The following RBFOX3 variants were observed in gnomAD, a reference collection of about 807,000 sequenced individuals.
The protein encoded by RBFOX3 is RNA binding fox-1 homolog 3, also known as RNA binding protein fox-1 homolog 3.
In RBFOX3, 17 loss-of-function variants were observed where a neutral mutation model predicts 48.7. The observed-to-expected ratio is 0.35, with a 90% CI of 0.24 to 0.52. RBFOX3 has a LOEUF of 0.52. Among genes scored for constraint, RBFOX3 ranks in the 20% least tolerant of loss-of-function variants. The pLI, the probability that RBFOX3 is intolerant of heterozygous loss-of-function variation, is 0.94. For synonymous variants in RBFOX3, 212 were observed against 209.5 expected (o/e 1.01, Z -0.10); for missense variants, 382 against 497.5 (o/e 0.77, Z 2.21).
At chr17:79,585,032 T>C (rs1401156945) in intron 1 of RBFOX3, among the ~76,000 whole-genome samples, 1 of 151,904 alleles carries the variant, frequency 6.6e-6, no homozygotes, top group Non-Finnish European at 1.5e-5. Flanking sequence ...CCCAAAGCGC[T>C]GGGATTACAG....
intron 2 of RBFOX3, among the ~76,000 whole-genome samples, chr17:79,404,793 C>T (rs911366971): frequency 6.6e-6 from 1 of 152,218 alleles, no homozygotes; most frequent in Non-Finnish European, 1.5e-5. Context: ...CTGTCCATCT[C>T]CAGAGTCCAG....
At chr17:79,487,487 T>C (rs1416357519) in intron 1 of RBFOX3, among the ~76,000 whole-genome samples, 2 of 152,180 alleles carry the variant, frequency 1.3e-5, no homozygotes, top group Non-Finnish European at 2.9e-5. Context: ...CGAATCACCA[T>C]CATCATCCTC....
chr17:79,537,369 C>T (rs572926794), intron 1 of RBFOX3, among the ~76,000 whole-genome samples: 1 of 152,316 alleles, frequency 6.6e-6, no homozygotes, highest in South Asian at 2.1e-4. Context: ...GGGCACCAGT[C>T]ATTGGATTTA....
At chr17:79,607,404 G>GGGCTA (rs2093857449) in intron 1 of RBFOX3, among the ~76,000 whole-genome samples, 1 of 152,122 alleles carries the variant, frequency 6.6e-6, no homozygotes, top group Non-Finnish European at 1.5e-5. Context: ...GGGCTGGGCT[G>GGGCTA]GGCTAGAGGA....
chr17:79,586,412 A>C (rs1208813197), intron 1 of RBFOX3, among the ~76,000 whole-genome samples: 2 of 152,252 alleles, frequency 1.3e-5, no homozygotes, highest in Non-Finnish European at 1.5e-5. Context: ...AGCATGGCCC[A>C]GTTCAGCAGA....
chr17:79,356,348 GTTTTTTTTTTTTTTTTTTTT>G lies in RBFOX3; in HGVS notation c.-174-48544_-174-48525del, dbSNP rs58040659. ...ACTTTTTCACTTTTAAAACAGGGAA[GTTTTTTTTTTTTTTTTTTTT>G]TTTTTTTTTTTTTTTTTTGAGGAGG... On this transcript the variant is annotated intron_variant, in intron 2 of 14. Coordinates refer to ENST00000693108, the MANE Select transcript of RBFOX3 (RefSeq NM_001350451.2). 5.5e-4 allele frequency among the ~76,000 whole-genome samples: 26 copies of G among 47,330 alleles called. 2 individuals are homozygous for G. Among genetic ancestry groups the G allele is most frequent in the Middle Eastern group, 0.017 (1 of 58 alleles). 31.1% of individuals were successfully genotyped at this position (47,330 alleles called of 152,430 possible). A position where few individuals can be genotyped will look rare whatever the true frequency, so the allele number is the denominator to read the frequency against.
At chr17:79,295,087 G>C (rs568702349) in intron 3 of RBFOX3, among the ~76,000 whole-genome samples, 3 of 152,278 alleles carry the variant, frequency 2.0e-5, no homozygotes, top group Admixed American at 2.0e-4. Context: ...GCCCGGGTCA[G>C]AGACTCCATG....
At chr17:79,407,200 G>GT (rs1291861392) in intron 2 of RBFOX3, among the ~76,000 whole-genome samples, 1 of 152,220 alleles carries the variant, frequency 6.6e-6, no homozygotes, top group Non-Finnish European at 1.5e-5. Flanking sequence ...TAGAGACGGG[G>GT]TTTTGCCATG....
intron 1 of RBFOX3, among the ~76,000 whole-genome samples, chr17:79,530,672 T>C (rs1056217561): frequency 7.5e-4 from 114 of 151,996 alleles, no homozygotes; most frequent in African/African-American, 2.7e-3. Flanking sequence ...TGAATGAGAC[T>C]CTGCTCCAGC....
At chr17:79,127,483 T>G (rs368373780) in intron 4 of RBFOX3, among the ~76,000 whole-genome samples, 2 of 152,240 alleles carry the variant, frequency 1.3e-5, no homozygotes, top group South Asian at 2.1e-4. Context: ...TTCTTGCAGG[T>G]GATGCTCCTA....
At position 79,225,164 on chromosome 17, in the gene RBFOX3, C is replaced by T. The variant is rs529878996; in HGVS notation, c.-34+10602G>A. Among the ~76,000 whole-genome samples the T allele has an allele frequency of 3.9e-5, 6 of 152,282 alleles. No individual in the cohort carries two copies. In the South Asian group the frequency reaches 1.2e-3, roughly 32 times the overall value. On this transcript the variant is annotated intron_variant, in intron 4 of 14. Transcript: ENST00000693108. Reference sequence around the variant, plus strand: ...AGGTGACCAGCACGTACACAGCCCACATGGCTTGCACAGTCAACCTCTCTC... The same window carrying T: ...AGGTGACCAGCACGTACACAGCCCATATGGCTTGCACAGTCAACCTCTCTC...
chr17:79,613,816 A>C (rs981607762), upstream of RBFOX3, among the ~76,000 whole-genome samples: 1 of 152,294 alleles, frequency 6.6e-6, no homozygotes, highest in East Asian at 1.9e-4. Context: ...TCTACTAAAA[A>C]TAGCAAAACT....
chr17:79,380,768 G>A (rs778363847), intron 2 of RBFOX3, among the ~76,000 whole-genome samples: 1 of 151,466 alleles, frequency 6.6e-6, no homozygotes, highest in Non-Finnish European at 1.5e-5. Flanking sequence ...TGCGTGCTCT[G>A]GTGCCCTGCC....
chr17:79,521,805 A>C (rs930907183), intron 1 of RBFOX3, among the ~76,000 whole-genome samples: 1 of 152,254 alleles, frequency 6.6e-6, no homozygotes, highest in African/African-American at 2.4e-5. Context: ...ACACACAGTC[A>C]CACATGCACA....
chr17:79,571,773 C>A (rs1342785662), intron 1 of RBFOX3, among the ~76,000 whole-genome samples: 2 of 152,132 alleles, frequency 1.3e-5, no homozygotes, highest in African/African-American at 4.8e-5. Context: ...GGTCTGGCTT[C>A]CTCTTCCTGC....
intron 1 of RBFOX3, among the ~76,000 whole-genome samples, chr17:79,502,121 A>G (rs1452718930): frequency 3.9e-5 from 6 of 152,176 alleles, no homozygotes; most frequent in Non-Finnish European, 8.8e-5. Flanking sequence ...TCATCTGAAA[A>G]ATGGGGCTAA....
intron 2 of RBFOX3, among the ~76,000 whole-genome samples, chr17:79,454,078 T>C (rs77949072): frequency 0.016 from 2,481 of 152,230 alleles, 68 homozygotes; most frequent in African/African-American, 0.057. Flanking sequence ...ACCTCTCAGA[T>C]GCGCCAGGGG....
At chr17:79,626,709 C>T in the RBFOX3 span, among the ~76,000 whole-genome samples, 1 of 152,224 alleles carries the variant, frequency 6.6e-6, no homozygotes, top group Admixed American at 6.5e-5. Flanking sequence ...GGGGGCATCC[C>T]CCCATCTCTA....
At chr17:79,434,549 C>T (rs537042809) in intron 2 of RBFOX3, among the ~76,000 whole-genome samples, 1 of 152,146 alleles carries the variant, frequency 6.6e-6, no homozygotes, top group African/African-American at 2.4e-5. Context: ...GCATAAAAAT[C>T]CCAGTGTTCA....
Sources: gnomAD v4.1 joint callset for allele counts (sites outside exome capture counted in the v4.1 genomes callset) on GRCh38, gnomAD v4.1.1 for gene constraint, MANE v1.5 for transcripts, NCBI Gene and HGNC (gene_info 2026-07-23, HGNC 2026-07-21) for gene names.